The following PCDH15 variants were observed in gnomAD, a reference collection of about 807,000 sequenced individuals.
PCDH15 encodes the protein protocadherin related 15.
PCDH15 carries 129 observed loss-of-function variants against 178.5 expected under a neutral mutation model. That is an observed-to-expected ratio of 0.72 (90% CI 0.63 to 0.84). The LOEUF is 0.84. PCDH15 is among the 40% of genes least tolerant of loss of function. PCDH15 has a pLI of 0.00. For missense variants in PCDH15, 2,230 were observed against 2,099.9 expected (o/e 1.06, Z -1.21); for synonymous variants, 800 against 732.0 (o/e 1.09, Z -1.50).
At position 53,871,140 on chromosome 10, in the gene PCDH15, T is replaced by A. The variant is rs534515439; in HGVS notation, c.3502-4283A>T. On this transcript the variant is annotated intron_variant, in intron 26 of 37. Transcript: ENST00000644397. ...CAAGGTCAGGAGATGGAGACCATCC[T>A]GGCTAACGCAGTGAAACCCCGTCTC... Among the ~76,000 whole-genome samples, 32 of 150,688 alleles carry A rather than the reference T, an allele frequency of 2.1e-4. No individual in the cohort carries two copies. The South Asian group carries it at 6.4e-3, about 30-fold the overall frequency.
intron 20 of PCDH15, among the ~76,000 whole-genome samples, chr10:54,004,963 A>C (rs759053819): frequency 1.4e-5 from 2 of 147,444 alleles, no homozygotes; most frequent in Non-Finnish European, 3.0e-5. Context: ...AAAAAAAAAA[A>C]CACACATATA....
chr10:53,838,522 A>T (rs1226741059), intron 29 of PCDH15, among the ~76,000 whole-genome samples: 2 of 152,040 alleles, frequency 1.3e-5, no homozygotes, highest in African/African-American at 4.8e-5. Context: ...AATCACCATT[A>T]TTTTACTCTT....
At chr10:54,343,436 T>G (rs894676874) in intron 6 of PCDH15, among the ~76,000 whole-genome samples, 3 of 152,192 alleles carry the variant, frequency 2.0e-5, no homozygotes, top group African/African-American at 4.8e-5. Flanking sequence ...CATTTGGAAC[T>G]GTGAGTCATT....
At position 54,142,999 on chromosome 10, in the gene PCDH15, A is replaced by T. The variant is rs181158729; in HGVS notation, c.1785-9992T>A. The stretch of plus-strand genomic sequence containing the variant: ...TGATATCGAGTGTCTTAAACCTTTG[A>T]TACTCGACAGAATTTCCAACAGCAA... On this transcript the variant is annotated intron_variant, in intron 14 of 37. Coordinates refer to ENST00000644397, the MANE Select transcript of PCDH15 (RefSeq NM_001384140.1). 8.7e-3 allele frequency among the ~76,000 whole-genome samples: 1,328 copies of T among 152,260 alleles called. 16 individuals are homozygous for T. Among genetic ancestry groups the T allele is most frequent in the Non-Finnish European group, 0.012 (791 of 68,028 alleles).
intron 2 of PCDH15, among the ~76,000 whole-genome samples, chr10:55,044,850 A>G (rs1386579764): frequency 6.6e-6 from 1 of 152,088 alleles, no homozygotes; most frequent in Non-Finnish European, 1.5e-5. Flanking sequence ...TGAGCAAATC[A>G]CAATCCCCAC....
chr10:54,420,154 G>T (rs1407009736), intron 3 of PCDH15, among the ~76,000 whole-genome samples: 2 of 152,158 alleles, frequency 1.3e-5, no homozygotes, highest in East Asian at 3.9e-4. Flanking sequence ...GAAAAAATGT[G>T]AAATGAAGAT....
At chr10:54,488,367 ATTC>A (rs1257804902) in intron 3 of PCDH15, among the ~76,000 whole-genome samples, 1 of 151,778 alleles carries the variant, frequency 6.6e-6, no homozygotes, top group Non-Finnish European at 1.5e-5. Flanking sequence ...CATTCCTTTG[ATTC>A]TTATTTTTAC....
rs557122986 is a variant in PCDH15, at chr10:54,222,823, A to AT, written c.986-8776dup. On this transcript the variant is annotated intron_variant, in intron 9 of 37. Coordinates refer to ENST00000644397, the MANE Select transcript of PCDH15 (RefSeq NM_001384140.1). ...CTTTCTGCCATTTTATAATTGTCTC[A>AT]TTTTTATTAAATTGTGTTTTCATAT... 3.6e-3 allele frequency among the ~76,000 whole-genome samples: 547 copies of AT among 152,266 alleles called. 4 individuals are homozygous for AT. Among genetic ancestry groups the AT allele is most frequent in the African/African-American group, 0.012 (490 of 41,554 alleles).
In PCDH15 at chr10:55,477,748, T is replaced by C. The variant is rs138516489; in HGVS notation, c.-156+149877A>G. 8.5e-4 allele frequency among the ~76,000 whole-genome samples: 129 copies of C among 152,036 alleles called. 2 individuals are homozygous for C. The highest frequency in any genetic ancestry group is 2.9e-3 in the African/African-American group (122 of 41,534). ...GTGTTTACCACTCTAGTCAGGTGCC[T>C]AGCACCATGCTCAGGCCAGAATATC... is the stretch of plus-strand genomic sequence containing the variant. On this transcript the variant is annotated intron_variant, in intron 2 of 5. Transcript: ENST00000613346.
At position 54,600,204 on chromosome 10, in the gene PCDH15, G is replaced by A. The variant is rs569270696; in HGVS notation, c.91+63968C>T. 2.9e-5 allele frequency: 18 copies of A among 618,976 alleles called. No homozygotes were observed. In the African/African-American group the frequency reaches 3.0e-4, roughly 10 times the overall value. The allele number at this position is 618,976 out of a possible 1,614,324, so 38.3% of individuals were successfully genotyped here. A position where few individuals can be genotyped will look rare whatever the true frequency, so the allele number is the denominator to read the frequency against. On this transcript the variant is annotated intron_variant, in intron 2 of 37. Transcript: ENST00000644397. ...TCACCATTACCAAATTGGTAAAGGT[G>A]CACTTGGAGAAAGAGACCAAAGAAG... is the stretch of plus-strand genomic sequence containing the variant.
intron 2 of PCDH15, among the ~76,000 whole-genome samples, chr10:54,597,179 A>G (rs1304593171): frequency 6.6e-6 from 1 of 152,152 alleles, no homozygotes; most frequent in Non-Finnish European, 1.5e-5. Flanking sequence ...ATATTCTAAC[A>G]ATGACCACAC....
chr10:54,854,043 C>T (rs375940242), intron 3 of PCDH15, among the ~76,000 whole-genome samples: 176 of 152,222 alleles, frequency 1.2e-3, no homozygotes, highest in African/African-American at 4.1e-3. Flanking sequence ...CATAGAATGG[C>T]GAGGGGTGTG....
chr10:55,454,710 AGGAGGC>A (rs1279399446), intron 2 of PCDH15, among the ~76,000 whole-genome samples: 4 of 149,104 alleles, frequency 2.7e-5, no homozygotes, highest in African/African-American at 9.9e-5. Flanking sequence ...GTATGAACCC[AGGAGGC>A]GGAGCTTGCA....
intron 8 of PCDH15, among the ~76,000 whole-genome samples, chr10:54,263,153 G>T (rs1306493465): frequency 6.6e-6 from 1 of 152,152 alleles, no homozygotes; most frequent in Non-Finnish European, 1.5e-5. Flanking sequence ...AGCAACTGCG[G>T]ACATACCCTA....
At chr10:55,013,016 C>A (rs1326682588) in intron 2 of PCDH15, among the ~76,000 whole-genome samples, 1 of 152,108 alleles carries the variant, frequency 6.6e-6, no homozygotes, top group African/African-American at 2.4e-5. Flanking sequence ...GAATCAAATT[C>A]TCTCCAGAGT....
At chr10:54,832,937 A>T (rs1953249970) in intron 3 of PCDH15, among the ~76,000 whole-genome samples, 1 of 152,184 alleles carries the variant, frequency 6.6e-6, no homozygotes, top group Non-Finnish European at 1.5e-5. Context: ...AAGGAAACTA[A>T]GACTTTTTTG....
chr10:53,995,567 C>G, intron 21 of PCDH15, 82 bp downstream of exon 21: 2 of 1,611,106 alleles, frequency 1.2e-6, no homozygotes, highest in East Asian at 4.5e-5. Context: ...ACTACTTTTG[C>G]TGTCTTGTGA....
intron 18 of PCDH15, among the ~76,000 whole-genome samples, chr10:54,032,508 C>T (rs2093321367): frequency 1.3e-5 from 2 of 152,042 alleles, no homozygotes; most frequent in East Asian, 1.9e-4. Context: ...TTTTCAATTA[C>T]ATATCATTCC....
intron 2 of PCDH15, among the ~76,000 whole-genome samples, chr10:55,087,944 CTA>C (rs1241809997): frequency 4.6e-5 from 7 of 152,046 alleles, no homozygotes; most frequent in Non-Finnish European, 7.4e-5. Flanking sequence ...CTAATATTCA[CTA>C]TTAAATTACC....
Sources: allele counts gnomAD v4.1 joint callset (sites outside exome capture counted in the v4.1 genomes callset), GRCh38; gene constraint gnomAD v4.1.1; transcripts MANE v1.5; gene names NCBI Gene and HGNC (gene_info 2026-07-23, HGNC 2026-07-21).